Variants in FREM2 observed in about 807,000 individuals in gnomAD.
FREM2 encodes FRAS1-related extracellular matrix protein 2.
FREM2 carries 119 observed loss-of-function variants against 219.9 expected under a neutral mutation model. The observed-to-expected ratio is 0.54, with a 90% CI of 0.47 to 0.63. The LOEUF (loss-of-function observed/expected upper bound fraction) is 0.63, where lower values mean the gene tolerates loss of function less well. Ranked by LOEUF, FREM2 falls within the 30% of genes least tolerant of loss-of-function variation. The pLI, the probability that FREM2 is intolerant of heterozygous loss-of-function variation, is 0.00. For synonymous variants in FREM2, 1,562 were observed against 1,522.8 expected, an observed-to-expected ratio of 1.03 and a Z score of -0.60; for missense variants, 4,030 against 3,993.6, an observed-to-expected ratio of 1.01 and a Z score of -0.25.
chr13:38,880,816 G>C lies in FREM2; in HGVS notation c.*29G>C, dbSNP rs371533109. 1 of 1,613,124 alleles carries C rather than the reference G, an allele frequency of 6.2e-7. No homozygotes were observed. Among genetic ancestry groups the C allele is most frequent in the East Asian group, 2.2e-5 (1 of 44,860 alleles). ...CTGCAGGTAGAATTCAACCTTTTCC[G>C]TAAGTGCCTCGGAAAAGATCACAAT... On this transcript the variant is annotated 3_prime_UTR_variant, in exon 24 of 24. Coordinates refer to ENST00000280481, the MANE Select transcript of FREM2 (RefSeq NM_207361.6).
At chr13:38,864,757 G>T in intron 16 of FREM2, 151 bp downstream of exon 16, 1 of 716,952 alleles carries the variant, frequency 1.4e-6, no homozygotes, top group Non-Finnish European at 2.5e-6. Context: ...GGCATGGATG[G>T]TGTGAAAATC....
chr13:38,718,289 A>C (rs1396191030), intron 2 of FREM2, among the ~76,000 whole-genome samples: 1 of 152,164 alleles, frequency 6.6e-6, no homozygotes, highest in East Asian at 1.9e-4. Context: ...CTACTAAATG[A>C]ATCTTATCTA....
At chr13:38,720,960 C>G (rs531725946) in intron 2 of FREM2, among the ~76,000 whole-genome samples, 83 of 152,160 alleles carry the variant, frequency 5.5e-4, no homozygotes, top group African/African-American at 1.8e-3. Context: ...TATTTCTGAG[C>G]ATGAGTTTGA....
intron 6 of FREM2, among the ~76,000 whole-genome samples, chr13:38,834,022 C>CT (rs1876612695): frequency 6.6e-6 from 1 of 151,986 alleles, no homozygotes; most frequent in Non-Finnish European, 1.5e-5. Context: ...CAAATTACCC[C>CT]TTTTTTTAAA....
At chr13:38,809,904 T>A (rs1424434771) in intron 6 of FREM2, among the ~76,000 whole-genome samples, 2 of 152,130 alleles carry the variant, frequency 1.3e-5, no homozygotes, top group Non-Finnish European at 2.9e-5. Flanking sequence ...GCATTAAATC[T>A]ATGGATTGCT....
chr13:38,755,931 T>C (rs1453759210), intron 2 of FREM2, among the ~76,000 whole-genome samples: 1 of 152,212 alleles, frequency 6.6e-6, no homozygotes, highest in Non-Finnish European at 1.5e-5. Context: ...CGGGAGCCAG[T>C]ACACCCTTCA....
chr13:38,752,091 TA>T (rs1394642472), intron 2 of FREM2, among the ~76,000 whole-genome samples: 30 of 152,272 alleles, frequency 2.0e-4, no homozygotes, highest in African/African-American at 7.0e-4. Flanking sequence ...TAATCTGAAA[TA>T]AATGAAAAGA....
At chr13:38,872,651 A>C in intron 16 of FREM2, 91 bp from the exon 17 acceptor site, 1 of 1,025,702 alleles carries the variant, frequency 9.7e-7, no homozygotes, top group South Asian at 1.3e-5. Context: ...CAAAATCTTC[A>C]GTTAAGCGAA....
intron 6 of FREM2, among the ~76,000 whole-genome samples, chr13:38,843,619 A>C (rs1483119317): frequency 6.6e-6 from 1 of 152,164 alleles, no homozygotes. Context: ...AAAATGTTCC[A>C]GGAACATCTT....
chr13:38,802,344 C>G (rs1057091979), intron 6 of FREM2, among the ~76,000 whole-genome samples: 1 of 152,166 alleles, frequency 6.6e-6, no homozygotes, highest in Admixed American at 6.5e-5. Flanking sequence ...GTGACAATTA[C>G]CTGCTTGGCC....
chr13:38,841,782 C>A (rs1876973631), intron 6 of FREM2, among the ~76,000 whole-genome samples: 1 of 152,134 alleles, frequency 6.6e-6, no homozygotes, highest in African/African-American at 2.4e-5. Context: ...TCATTTGCTG[C>A]AGCAAATAAA....
In FREM2 at chr13:38,687,186, G is replaced by T; in HGVS notation, c.-159G>T. 2 of 1,040,484 alleles carry T rather than the reference G, an allele frequency of 1.9e-6. No homozygotes were observed. Among genetic ancestry groups the T allele is most frequent in the Non-Finnish European group, 2.8e-6 (2 of 713,762 alleles). 64.5% of individuals were successfully genotyped at this position (1,040,484 alleles called of 1,614,324 possible). A position where few individuals can be genotyped will look rare whatever the true frequency, so the allele number is the denominator to read the frequency against. ...GCGGCTCCAGCCCGGACGGCGCCGC[G>T]CAACTTTGCCATCCTTCTGGCCCAG... On this transcript the variant is annotated 5_prime_UTR_variant, in exon 1 of 24. Transcript: ENST00000280481.
At chr13:38,694,819 C>G (rs1870037176) in intron 1 of FREM2, among the ~76,000 whole-genome samples, 2 of 152,104 alleles carry the variant, frequency 1.3e-5, no homozygotes, top group Admixed American at 6.6e-5. Flanking sequence ...CCCTGTTCCC[C>G]TTAACCCAGA....
chr13:38,876,529 G>A, intron 20 of FREM2, 147 bp downstream of exon 20: 1 of 742,542 alleles, frequency 1.3e-6, no homozygotes, highest in Admixed American at 2.3e-5. Context: ...AGGAAGCTAG[G>A]GATAAAAGAA....
chr13:38,694,468 C>G (rs1233665402), intron 1 of FREM2, among the ~76,000 whole-genome samples: 1 of 152,174 alleles, frequency 6.6e-6, no homozygotes, highest in Non-Finnish European at 1.5e-5. Context: ...GGAGAAAGCG[C>G]CATCAGAAAG....
chr13:38,815,814 A>T (rs1041946472), intron 6 of FREM2, among the ~76,000 whole-genome samples: 1 of 152,198 alleles, frequency 6.6e-6, no homozygotes, highest in Admixed American at 6.5e-5. Context: ...GGGGAGAACT[A>T]ATAAAATGAG....
Position 38,878,027 on chromosome 13 carries a change from T to C in FREM2, c.8672-107T>C, listed in dbSNP as rs566327104. The C allele has an allele frequency of 7.4e-6, 7 of 951,022 alleles. No homozygotes were observed. The South Asian group carries it at 8.2e-5, about 11-fold the overall frequency. 58.9% of individuals were successfully genotyped at this position (951,022 alleles called of 1,614,324 possible). A position where few individuals can be genotyped will look rare whatever the true frequency, so the allele number is the denominator to read the frequency against. On this transcript the variant is annotated intron_variant, in intron 21 of 23. Transcript: ENST00000280481. ...TTCAACATTTGATAGTAGATGAGGG[T>C]GGCAAGGAAATAATCTCTGTGTCCT...
chr13:38,809,386 A>AAG lies in FREM2; in HGVS notation c.6019+24582_6019+24583dup, dbSNP rs377319561. On this transcript the variant is annotated intron_variant, in intron 6 of 23. Transcript: ENST00000280481. ...TGCCTGTGCTTATGGGGTATTGTGCAAGAGATTTTTTGCCCTGACCAATGT... is the reference window on the plus strand; with the variant it reads ...TGCCTGTGCTTATGGGGTATTGTGCAAGAGAGATTTTTTGCCCTGACCAATGT... 2.0e-3 allele frequency among the ~76,000 whole-genome samples: 310 copies of AAG among 151,930 alleles called. 1 individual carries two copies. Among genetic ancestry groups the AAG allele is most frequent in the African/African-American group, 7.0e-3 (290 of 41,456 alleles).
At chr13:38,773,263 C>T (rs1645591113) in intron 4 of FREM2, among the ~76,000 whole-genome samples, 1 of 152,222 alleles carries the variant, frequency 6.6e-6, no homozygotes, top group Admixed American at 6.5e-5. Flanking sequence ...TACCTCACCC[C>T]CTGCCCCCAT....
Sources: allele counts gnomAD v4.1 joint callset (sites outside exome capture counted in the v4.1 genomes callset), GRCh38; gene constraint gnomAD v4.1.1; transcripts MANE v1.5; gene names NCBI Gene and HGNC (gene_info 2026-07-23, HGNC 2026-07-21).